Variants in EPHB1 observed in about 807,000 individuals in gnomAD.
The protein encoded by EPHB1 is ephrin type-B receptor 1.
Under a neutral mutation model 94.4 loss-of-function variants are expected in EPHB1, and 30 were observed. That is an observed-to-expected ratio of 0.32 (90% confidence interval 0.24 to 0.43). The LOEUF (loss-of-function observed/expected upper bound fraction) is 0.43, where lower values mean the gene tolerates loss of function less well. Among genes scored for constraint, EPHB1 ranks in the 20% least tolerant of loss-of-function variants. EPHB1 has a pLI of 1.00. For missense variants in EPHB1, 1,055 were observed against 1,308.3 expected (o/e 0.81, Z 2.99); for synonymous variants, 522 against 489.1 (o/e 1.07, Z -0.89).
chr3:134,810,372 G>A (rs2036147069), intron 1 of EPHB1, among the ~76,000 whole-genome samples: 9 of 151,372 alleles, frequency 5.9e-5, no homozygotes, highest in Middle Eastern at 3.4e-3. Context: ...AGAATATTCT[G>A]CCCTGAGTAG....
At chr3:135,030,544 G>C (rs1297266450) in intron 3 of EPHB1, among the ~76,000 whole-genome samples, 1 of 152,228 alleles carries the variant, frequency 6.6e-6, no homozygotes, top group African/African-American at 2.4e-5. Context: ...TCGGGGGTCA[G>C]GGGTCAGGGA....
chr3:134,821,294 A>G (rs1333317691), intron 1 of EPHB1, among the ~76,000 whole-genome samples: 3 of 152,258 alleles, frequency 2.0e-5, no homozygotes, highest in Non-Finnish European at 2.9e-5. Flanking sequence ...CCCTCATGGA[A>G]GCACACAGGG....
rs567816623 is a variant in EPHB1, at chr3:135,138,275, T to C, written c.1297+5226T>C. ...TGTTAATAGTTACAAGCCCCTATAG[T>C]TTGTCCATTTTTAAGGCACTTTTGA... On this transcript the variant is annotated intron_variant, in intron 5 of 15. Transcript: ENST00000398015. Among the ~76,000 whole-genome samples, 3 of 152,326 alleles carry C rather than the reference T, an allele frequency of 2.0e-5. No homozygotes were observed. The South Asian group carries it at 6.2e-4, about 32-fold the overall frequency.
chr3:135,211,439 TCTGAAG>T (rs1304382037), intron 12 of EPHB1, among the ~76,000 whole-genome samples: 7 of 152,262 alleles, frequency 4.6e-5, no homozygotes, highest in African/African-American at 1.7e-4. Flanking sequence ...ATTCCTTCAG[TCTGAAG>T]AACTACCTTT....
chr3:134,924,762 C>G (rs185715278), intron 1 of EPHB1, among the ~76,000 whole-genome samples: 108 of 152,256 alleles, frequency 7.1e-4, no homozygotes, highest in Admixed American at 1.9e-3. Context: ...ATGAATAATT[C>G]TTAATATAAT....
chr3:135,221,097 C>T (rs1202511710), intron 12 of EPHB1, among the ~76,000 whole-genome samples: 3 of 152,204 alleles, frequency 2.0e-5, no homozygotes, highest in Non-Finnish European at 2.9e-5. Flanking sequence ...TCTAAATTGA[C>T]ATCCCCAATA....
At chr3:135,217,074 A>G (rs956502319) in intron 12 of EPHB1, among the ~76,000 whole-genome samples, 1 of 152,182 alleles carries the variant, frequency 6.6e-6, no homozygotes, top group African/African-American at 2.4e-5. Context: ...AGAGGATGCC[A>G]AAACCTTAGC....
At chr3:135,072,856 A>G (rs996094630) in intron 3 of EPHB1, among the ~76,000 whole-genome samples, 3 of 152,178 alleles carry the variant, frequency 2.0e-5, no homozygotes, top group Non-Finnish European at 4.4e-5. Flanking sequence ...TGGAAGCTCC[A>G]TGAGAGTGTT....
At chr3:135,039,276 A>T (rs1227538316) in intron 3 of EPHB1, among the ~76,000 whole-genome samples, 1 of 152,202 alleles carries the variant, frequency 6.6e-6, no homozygotes, top group African/African-American at 2.4e-5. Flanking sequence ...AGCTAAACAC[A>T]GGGTGCTGAT....
chr3:135,140,711 C>A (rs1415708293), intron 5 of EPHB1, among the ~76,000 whole-genome samples: 1 of 152,144 alleles, frequency 6.6e-6, no homozygotes, highest in Non-Finnish European at 1.5e-5. Flanking sequence ...TCCTACCTCC[C>A]CCACTGGCAG....
At chr3:134,977,211 G>A (rs757079657) in intron 3 of EPHB1, among the ~76,000 whole-genome samples, 6 of 152,146 alleles carry the variant, frequency 3.9e-5, no homozygotes, top group East Asian at 1.9e-4. Context: ...TCAAGGCACC[G>A]CCACTGTTGC....
At chr3:135,132,174 A>AT (rs1430286174) in intron 4 of EPHB1, among the ~76,000 whole-genome samples, 1 of 152,134 alleles carries the variant, frequency 6.6e-6, no homozygotes, top group Non-Finnish European at 1.5e-5. Context: ...ATATACATCT[A>AT]TTCAGGTGCT....
chr3:135,108,031 G>T (rs1466774409), intron 4 of EPHB1, among the ~76,000 whole-genome samples: 1 of 152,082 alleles, frequency 6.6e-6, no homozygotes, highest in East Asian at 1.9e-4. Context: ...ACTGCTCCCT[G>T]GATGTTCAGA....
chr3:134,858,230 G>A (rs190995473), intron 1 of EPHB1, among the ~76,000 whole-genome samples: 14 of 151,876 alleles, frequency 9.2e-5, no homozygotes, highest in African/African-American at 3.4e-4. Flanking sequence ...CTGTAGGTTT[G>A]GGTGATATGC....
chr3:134,816,059 T>TTC (rs2036263576), intron 1 of EPHB1, among the ~76,000 whole-genome samples: 7 of 230 alleles, frequency 0.03, no homozygotes, highest in Non-Finnish European at 0.076. Context: ...AGGTACTTTT[T>TTC]TTCTTTTTTC....
chr3:135,044,229 G>A (rs150639546), intron 3 of EPHB1, among the ~76,000 whole-genome samples: 1 of 152,278 alleles, frequency 6.6e-6, no homozygotes, highest in East Asian at 1.9e-4. Context: ...GGGGAGTCTG[G>A]TGGCTGCATT....
At chr3:135,250,319 C>T (rs1165087220) in intron 15 of EPHB1, among the ~76,000 whole-genome samples, 1 of 152,082 alleles carries the variant, frequency 6.6e-6, no homozygotes, top group Non-Finnish European at 1.5e-5. Context: ...TTATCTGGTT[C>T]CACCCCTTCC....
intron 1 of EPHB1, among the ~76,000 whole-genome samples, chr3:134,811,878 C>A (rs1413737116): frequency 1.3e-5 from 2 of 152,154 alleles, no homozygotes; most frequent in African/African-American, 2.4e-5. Context: ...GTCCAGGAGG[C>A]CCCCTATTGA....
chr3:134,812,132 G>C lies in EPHB1; in HGVS notation c.58+16443G>C, dbSNP rs550010105. Among the ~76,000 whole-genome samples the C allele has an allele frequency of 5.3e-5, 8 of 152,274 alleles. No individual in the cohort carries two copies. The South Asian group carries it at 1.7e-3, about 32-fold the overall frequency. On this transcript the variant is annotated intron_variant, in intron 1 of 15. Coordinates refer to ENST00000398015, the MANE Select transcript of EPHB1 (RefSeq NM_004441.5). ...GGGTCCATTTTTGGAAAAAAAATAG[G>C]CTTTCTTGAAGCATAATTTACATAT...
Sources: allele counts gnomAD v4.1 joint callset (sites outside exome capture counted in the v4.1 genomes callset), GRCh38; gene constraint gnomAD v4.1.1; transcripts MANE v1.5; gene names NCBI Gene and HGNC (gene_info 2026-07-23, HGNC 2026-07-21).